MID1: variants seen among roughly 807,000 people sequenced by gnomAD.
MID1 encodes the protein midline 1, also known as E3 ubiquitin-protein ligase Midline-1.
In MID1, 7 loss-of-function variants were observed where a neutral mutation model predicts 40.4. That is an observed-to-expected ratio of 0.17 (90% CI 0.10 to 0.33). The LOEUF (loss-of-function observed/expected upper bound fraction) is 0.33, where lower values mean the gene tolerates loss of function less well. Among genes scored for constraint, MID1 ranks in the 10% least tolerant of loss-of-function variants. MID1 has a pLI of 1.00. For missense variants in MID1, 367 were observed against 558.5 expected (o/e 0.66, Z 3.46); for synonymous variants, 229 against 221.2 (o/e 1.04, Z -0.31).
At chrX:10,783,384 A>C (rs2043859157) in intron 1 of MID1, among the ~76,000 whole-genome samples, 1 of 111,915 alleles carries the variant, frequency 8.9e-6, no homozygotes, top group East Asian at 2.8e-4. Context: ...ATTTAAATTT[A>C]CTTCCCTCCT....
chrX:10,458,475 A>G (rs1407665189), intron 8 of MID1, among the ~76,000 whole-genome samples: 1 of 111,623 alleles, frequency 9.0e-6, no homozygotes, highest in Non-Finnish European at 1.9e-5. Context: ...GTAATTCATC[A>G]ATGTTAATTT....
intron 1 of MID1, among the ~76,000 whole-genome samples, chrX:10,741,655 A>C (rs903176363): frequency 1.8e-5 from 2 of 109,711 alleles, no homozygotes; most frequent in African/African-American, 6.6e-5. Context: ...ACACCATAAA[A>C]TTAAACCAAG....
chrX:10,478,023 T>C, intron 5 of MID1, among the ~76,000 whole-genome samples: 1 of 112,321 alleles, frequency 8.9e-6, no homozygotes, highest in East Asian at 2.8e-4. Context: ...CTGCCTATTG[T>C]AGTGAGGAAC....
intron 1 of MID1, among the ~76,000 whole-genome samples, chrX:10,637,380 G>C (rs7060321): frequency 0.058 from 6,365 of 108,906 alleles, 244 homozygotes; most frequent in African/African-American, 0.13. Flanking sequence ...AATTTTGTTA[G>C]GACCACATGG....
At chrX:10,544,412 A>G (rs1384230694) in intron 2 of MID1, among the ~76,000 whole-genome samples, 1 of 112,092 alleles carries the variant, frequency 8.9e-6, no homozygotes, top group Non-Finnish European at 1.9e-5. Flanking sequence ...AGTAAACACT[A>G]AATGCACAAT....
chrX:10,546,923 A>T (rs1477059830), intron 2 of MID1, among the ~76,000 whole-genome samples: 1 of 112,643 alleles, frequency 8.9e-6, no homozygotes, highest in Non-Finnish European at 1.9e-5. Context: ...AAGACAGAAC[A>T]TGCAGCCTAG....
chrX:10,653,578 C>T (rs753614024), intron 1 of MID1, among the ~76,000 whole-genome samples: 28 of 112,475 alleles, frequency 2.5e-4, no homozygotes, highest in Non-Finnish European at 5.1e-4. Flanking sequence ...TCCTATACAT[C>T]ATTGGTCAAA....
chrX:10,570,370 T>C (rs910115140), intron 1 of MID1, among the ~76,000 whole-genome samples: 4 of 112,446 alleles, frequency 3.6e-5, no homozygotes, highest in African/African-American at 1.3e-4. Flanking sequence ...CATCTCGGTT[T>C]ATTTTTCTTT....
At chrX:10,812,140 T>C (rs58876340) in intron 1 of MID1, among the ~76,000 whole-genome samples, 111 of 111,920 alleles carry the variant, frequency 9.9e-4, no homozygotes, top group Middle Eastern at 4.6e-3. Context: ...GCTAAAGTGC[T>C]GAATAGATTT....
At position 10,522,177 on chromosome X, in the gene MID1, G is replaced by A. The variant is rs190503508; in HGVS notation, c.756+915C>T. ...CGCAGATGTAATCAAGTTAAAGTGA[G>A]GTAAGGCTGGAGTAGGGTGGGCTCT... is the stretch of plus-strand genomic sequence containing the variant. On this transcript the variant is annotated intron_variant, in intron 3 of 9. Coordinates refer to ENST00000317552, the MANE Select transcript of MID1 (RefSeq NM_000381.4). 2.5e-3 allele frequency among the ~76,000 whole-genome samples: 282 copies of A among 111,946 alleles called. 1 individual carries two copies. Among genetic ancestry groups the A allele is most frequent in the Non-Finnish European group, 2.6e-3 (137 of 53,160 alleles).
At chrX:10,594,823 T>C (rs1213482219) in intron 1 of MID1, among the ~76,000 whole-genome samples, 1 of 112,027 alleles carries the variant, frequency 8.9e-6, no homozygotes, top group Non-Finnish European at 1.9e-5. Flanking sequence ...AAAGAATATA[T>C]ATAAAATTTG....
chrX:10,559,428 C>T (rs1569104157), intron 2 of MID1, among the ~76,000 whole-genome samples: 1 of 112,457 alleles, frequency 8.9e-6, no homozygotes, highest in Non-Finnish European at 1.9e-5. Flanking sequence ...TATTCACATA[C>T]CACATGGTGA....
chrX:10,475,023 A>G, intron 5 of MID1: 1 of 395,842 alleles, frequency 2.5e-6, no homozygotes. Context: ...AAAGCAAAAG[A>G]ATATTCATAT....
intron 2 of MID1, among the ~76,000 whole-genome samples, chrX:10,553,062 AC>A (rs1301790730): frequency 9.1e-6 from 1 of 110,348 alleles, no homozygotes; most frequent in Non-Finnish European, 1.9e-5. Flanking sequence ...AGCCTGGCCA[AC>A]CTGGCGAAAC....
At position 10,788,800 on chromosome X, in the gene MID1, A is replaced by G. The variant is rs989387185; in HGVS notation, c.-187+44754T>C. On this transcript the variant is annotated intron_variant, in intron 1 of 10. Coordinates refer to the MID1 transcript ENST00000380785. ...ATGCCAGTAGTGCCAAGGTTTAGAA[A>G]TCGTTTGCTAAGGATATCATCCTTT... 3.6e-5 allele frequency among the ~76,000 whole-genome samples: 4 copies of G among 111,968 alleles called. No individual in the cohort carries two copies. In the Admixed American group the frequency reaches 3.8e-4, roughly 11 times the overall value.
intron 2 of MID1, among the ~76,000 whole-genome samples, chrX:10,562,117 G>A (rs1934362876): frequency 9.5e-6 from 1 of 105,573 alleles, no homozygotes; most frequent in Admixed American, 9.9e-5. Context: ...AAGTAACACA[G>A]AAACAGAAAA....
chrX:10,589,793 C>G (rs927535064), intron 1 of MID1: 5 of 110,691 alleles, frequency 4.5e-5, no homozygotes, highest in Non-Finnish European at 9.5e-5. Context: ...CTAAAGCCAC[C>G]TAAGGAGCTG....
chrX:10,675,218 T>C lies in MID1; in HGVS notation c.-186-54799A>G, dbSNP rs770299600. On this transcript the variant is annotated intron_variant, in intron 1 of 10. Coordinates refer to the MID1 transcript ENST00000380785. Reference sequence around the variant, plus strand: ...CAGATTCAACTGAAATGATAATAAGTGTATTGGCATATGTTAAGTTTAGAA... The same window carrying C: ...CAGATTCAACTGAAATGATAATAAGCGTATTGGCATATGTTAAGTTTAGAA... Among the ~76,000 whole-genome samples the C allele has an allele frequency of 3.2e-3, 364 of 112,420 alleles. 2 individuals carry two copies. The highest frequency in any genetic ancestry group is 0.011 in the African/African-American group (349 of 31,012).
intron 1 of MID1, among the ~76,000 whole-genome samples, chrX:10,754,126 G>A (rs1172330812): frequency 2.7e-5 from 3 of 112,133 alleles, no homozygotes; most frequent in African/African-American, 9.7e-5. Flanking sequence ...AAGTTCAGAA[G>A]AACAGAGTGG....
Sources: gnomAD v4.1 joint callset for allele counts (sites outside exome capture counted in the v4.1 genomes callset) on GRCh38, gnomAD v4.1.1 for gene constraint, MANE v1.5 for transcripts, NCBI Gene and HGNC (gene_info 2026-07-23, HGNC 2026-07-21) for gene names.